The following KCNH8 variants were observed in gnomAD, a reference collection of about 807,000 sequenced individuals.
The protein encoded by KCNH8 is potassium voltage-gated channel subfamily H member 8, also known as voltage-gated delayed rectifier potassium channel KCNH8.
A neutral mutation model predicts 103.6 loss-of-function variants in KCNH8; 70 were observed. The observed-to-expected ratio is 0.68, with a 90% CI of 0.56 to 0.82. The LOEUF is 0.82. Ranked by LOEUF, KCNH8 falls within the 40% of genes least tolerant of loss-of-function variation. KCNH8 has a pLI of 0.00. For missense variants in KCNH8, 1,217 were observed against 1,329.9 expected (o/e 0.92, Z 1.32); for synonymous variants, 498 against 489.4 (o/e 1.02, Z -0.23).
At chr3:19,367,835 A>T (rs2066034147) in intron 5 of KCNH8, among the ~76,000 whole-genome samples, 1 of 152,022 alleles carries the variant, frequency 6.6e-6, no homozygotes, top group South Asian at 2.1e-4. Flanking sequence ...AACTTGGGAA[A>T]TCCTACAGGT....
chr3:19,149,352 G>T (rs1284251059), intron 1 of KCNH8, among the ~76,000 whole-genome samples: 1 of 152,036 alleles, frequency 6.6e-6, no homozygotes, highest in African/African-American at 2.4e-5. Flanking sequence ...CTAGAATAGC[G>T]TATCTTTTAA....
intron 3 of KCNH8, among the ~76,000 whole-genome samples, chr3:19,318,664 C>CGTGT (rs1559474372): frequency 0.011 from 270 of 24,396 alleles, 2 homozygotes; most frequent in African/African-American, 0.039. Flanking sequence ...TGTGTGTGTA[C>CGTGT]ACACACACAC....
At position 19,174,676 on chromosome 3, in the gene KCNH8, G is replaced by C. The variant is rs1186478214; in HGVS notation, c.76+25881G>C. Among the ~76,000 whole-genome samples, 9 of 152,222 alleles carry C rather than the reference G, an allele frequency of 5.9e-5. No individual in the cohort carries two copies. The East Asian group carries it at 1.7e-3, about 29-fold the overall frequency. Reference sequence around the variant, plus strand: ...TCAATTAGTTAGGCATTTACTACACGCTTTTGGATATAATTATAAAAGTAA... The same window carrying C: ...TCAATTAGTTAGGCATTTACTACACCCTTTTGGATATAATTATAAAAGTAA... On this transcript the variant is annotated intron_variant, in intron 1 of 15. Transcript: ENST00000328405.
At position 19,533,906 on chromosome 3, in the gene KCNH8, T is replaced by C. The variant is rs537091187; in HGVS notation, c.3131T>C (p.Leu1044Pro). The C allele has an allele frequency of 1.2e-6, 2 of 1,614,154 alleles. No homozygotes were observed. Among genetic ancestry groups the C allele is most frequent in the East Asian group, 2.2e-5 (1 of 44,854 alleles). The change falls in exon 16 of 16, where the codon CTA becomes CCA. Residue 1044 changes from leucine (L) to proline (P), a missense_variant. By Grantham distance (98) the Leu-to-Pro change is moderately conservative. Coordinates refer to ENST00000328405, the MANE Select transcript of KCNH8 (RefSeq NM_144633.3). ...VCSSSETSLH[L>P]VLPSRSEEGS... is the part of the protein sequence containing the mutation. ...TCCTCTTCGGAAACATCTTTGCACC[T>C]AGTTCTCCCAAGCAGATCAGAGGAG...
chr3:19,296,535 A>G (rs2064998870), intron 3 of KCNH8, among the ~76,000 whole-genome samples: 1 of 152,262 alleles, frequency 6.6e-6, no homozygotes, highest in Admixed American at 6.5e-5. Flanking sequence ...GTGAAAACAG[A>G]TGCCATGTCT....
intron 15 of KCNH8, among the ~76,000 whole-genome samples, chr3:19,532,777 C>T (rs999938277): frequency 1.3e-5 from 2 of 152,136 alleles, no homozygotes; most frequent in African/African-American, 4.8e-5. Flanking sequence ...AATTAAGATT[C>T]CCAGACTACT....
intron 3 of KCNH8, among the ~76,000 whole-genome samples, chr3:19,297,213 A>T (rs553422958): frequency 6.6e-6 from 1 of 152,280 alleles, no homozygotes; most frequent in African/African-American, 2.4e-5. Context: ...TCACATTGGA[A>T]CACATTTTTG....
chr3:19,372,484 G>T (rs1183681196), intron 5 of KCNH8, among the ~76,000 whole-genome samples: 1 of 151,718 alleles, frequency 6.6e-6, no homozygotes, highest in African/African-American at 2.4e-5. Flanking sequence ...CTTTGCTGAA[G>T]TTGCTTATCA....
intron 5 of KCNH8, among the ~76,000 whole-genome samples, chr3:19,359,022 C>T (rs915803347): frequency 6.6e-6 from 1 of 151,636 alleles, no homozygotes; most frequent in African/African-American, 2.4e-5. Flanking sequence ...AAAATAACAG[C>T]AGTAAATCAA....
chr3:19,387,936 G>GTT (rs140479623), intron 5 of KCNH8, among the ~76,000 whole-genome samples: 1 of 142,342 alleles, frequency 7.0e-6, no homozygotes. Context: ...AATACCTGTT[G>GTT]TTTTTTTTTT....
rs768456272 is a variant in KCNH8 at position 19,451,273 on chromosome 3, T to C, written c.1694T>C (p.Leu565Pro). ...CGGGGCTGCCTCAGGTCTCTGTCTC[T>C]ACACATCAAAACCTCTTTCTGTGCT... Reference protein sequence around the residue: ...ASRGCLRSLSLHIKTSFCAPG... With the variant: ...ASRGCLRSLSPHIKTSFCAPG... The change falls in exon 10 of 16, where the codon CTA (leucine) becomes CCA (proline). Residue 565 changes from leucine (L) to proline (P), a missense_variant. By Grantham distance (98) the Leu-to-Pro change is moderately conservative (BLOSUM62 -3). This residue lies in a region of KCNH8 where 415 missense variants were observed against 577.4 expected (regional missense o/e 0.72). Coordinates refer to ENST00000328405, the MANE Select transcript of KCNH8 (RefSeq NM_144633.3). 2 of 1,613,998 alleles carry C rather than the reference T, an allele frequency of 1.2e-6. No individual in the cohort carries two copies. The highest frequency in any genetic ancestry group is 1.7e-6 in the Non-Finnish European group (2 of 1,179,914).
At chr3:19,157,317 T>G (rs2063190473) in intron 1 of KCNH8, among the ~76,000 whole-genome samples, 2 of 152,088 alleles carry the variant, frequency 1.3e-5, no homozygotes, top group South Asian at 4.1e-4. Context: ...TTGCTGTGAT[T>G]TGATGAGTTA....
At chr3:19,527,662 G>T (rs2069088819) in intron 15 of KCNH8, among the ~76,000 whole-genome samples, 1 of 152,112 alleles carries the variant, frequency 6.6e-6, no homozygotes, top group African/African-American at 2.4e-5. Flanking sequence ...AGCAGAAATA[G>T]AAAAGCTGTG....
At chr3:19,522,250 T>C (rs79966025) in intron 15 of KCNH8, among the ~76,000 whole-genome samples, 10,275 of 151,992 alleles carry the variant, frequency 0.068, 484 homozygotes, top group East Asian at 0.27. Flanking sequence ...TGATCTGCAG[T>C]TGGCAAACTG....
Position 19,395,111 on chromosome 3 carries a change from T to C in KCNH8, c.977T>C (p.Leu326Pro). The C allele has an allele frequency of 6.2e-7, 1 of 1,611,486 alleles. No individual in the cohort carries two copies. Among genetic ancestry groups the C allele is most frequent in the Non-Finnish European group, 8.5e-7 (1 of 1,178,870 alleles). ...CTCTGTCTCTTACCACAGGTGTCTCTCGTGCATCTTCTAAAGACAGTGCGC... is the reference window on the plus strand; with the variant it reads ...CTCTGTCTCTTACCACAGGTGTCTCCCGTGCATCTTCTAAAGACAGTGCGC... Reference protein sequence around the residue: ...LYAFNVTVVSLVHLLKTVRLL... With the variant: ...LYAFNVTVVSPVHLLKTVRLL... The change falls in exon 7 of 16, where the codon CTC becomes CCC. Residue 326 changes from leucine to proline, a missense_variant. Transcript: ENST00000328405.
intron 4 of KCNH8, 75 bp from the exon 5 acceptor site, chr3:19,347,650 G>A (rs1454278874): frequency 1.3e-6 from 2 of 1,538,928 alleles, no homozygotes; most frequent in Admixed American, 1.8e-5. Context: ...TCACAAAAGT[G>A]TGTGTTTCAA....
intron 3 of KCNH8, among the ~76,000 whole-genome samples, chr3:19,297,164 G>C (rs371889980): frequency 2.0e-5 from 3 of 152,204 alleles, no homozygotes; most frequent in Admixed American, 1.3e-4. Flanking sequence ...AAAATACTGA[G>C]ATACCCAGAT....
intron 7 of KCNH8, among the ~76,000 whole-genome samples, chr3:19,422,779 G>A (rs777906632): frequency 1.3e-5 from 2 of 152,094 alleles, no homozygotes; most frequent in African/African-American, 2.4e-5. Flanking sequence ...TCACAAAGCA[G>A]TCGGCCTAGT....
chr3:19,336,207 T>A (rs1216527054), intron 3 of KCNH8, among the ~76,000 whole-genome samples: 1 of 151,802 alleles, frequency 6.6e-6, no homozygotes, highest in South Asian at 2.1e-4. Flanking sequence ...TTCATCTGAT[T>A]ACATCCATTG....
Sources: gnomAD v4.1 joint callset for allele counts (sites outside exome capture counted in the v4.1 genomes callset) on GRCh38, gnomAD v4.1.1 for gene constraint, gnomAD v4.1.1 regional missense constraint, MANE v1.5 for transcripts, NCBI Gene and HGNC (gene_info 2026-07-23, HGNC 2026-07-21) for gene names.